Variants in PCDH11X observed in about 807,000 individuals in gnomAD.
The protein encoded by PCDH11X is protocadherin 11 X-linked.
In PCDH11X, 18 loss-of-function variants were observed where a neutral mutation model predicts 53.3. That is an observed-to-expected ratio of 0.34 (90% confidence interval 0.23 to 0.50). The LOEUF (loss-of-function observed/expected upper bound fraction) is 0.50, where lower values mean the gene tolerates loss of function less well. PCDH11X is among the 20% of genes least tolerant of loss of function. PCDH11X has a pLI of 0.98. For synonymous variants in PCDH11X, 279 were observed against 393.3 expected (o/e 0.71, Z 3.44); for missense variants, 570 against 1,032.4 (o/e 0.55, Z 6.14).
intron 10 of PCDH11X, among the ~76,000 whole-genome samples, chrX:92,576,122 C>A (rs1299532997): frequency 2.0e-5 from 2 of 100,622 alleles, no homozygotes; most frequent in Non-Finnish European, 4.0e-5. Context: ...CTGAATTGAC[C>A]ACTTCGTCAT....
intron 6 of PCDH11X, among the ~76,000 whole-genome samples, chrX:91,956,301 C>G (rs973742053): frequency 3.2e-4 from 36 of 111,191 alleles, no homozygotes; most frequent in Non-Finnish European, 3.2e-4. Context: ...CATCATGATG[C>G]TAGCTGGTTA....
intron 8 of PCDH11X, among the ~76,000 whole-genome samples, chrX:92,278,293 G>A (rs1341326422): frequency 9.0e-6 from 1 of 111,546 alleles, no homozygotes; most frequent in African/African-American, 3.3e-5. Flanking sequence ...ATCTTATGGA[G>A]CAAAAAGCAG....
intron 10 of PCDH11X, among the ~76,000 whole-genome samples, chrX:92,505,514 T>C (rs1199683774): frequency 9.1e-6 from 1 of 110,459 alleles, no homozygotes; most frequent in Non-Finnish European, 1.9e-5. Context: ...GCTGTAAGTG[T>C]GTGGCTTTAT....
At chrX:92,499,114 T>C (rs982141206) in intron 10 of PCDH11X, among the ~76,000 whole-genome samples, 32 of 107,671 alleles carry the variant, frequency 3.0e-4, no homozygotes, top group Non-Finnish European at 5.7e-4. Flanking sequence ...ATATTCATTC[T>C]AGTTCTTTTC....
In PCDH11X at chrX:91,975,860, C is replaced by T. The variant is rs769970219; in HGVS notation, c.3033+96587C>T. The stretch of plus-strand genomic sequence containing the variant: ...ACACTTAAATGCTATCAATAATAGA[C>T]AGCTTAAGACTGGGAGTCACAATCT... On this transcript the variant is annotated intron_variant, in intron 6 of 10. Coordinates refer to ENST00000682573, the MANE Select transcript of PCDH11X (RefSeq NM_032968.5). 1.4e-4 allele frequency among the ~76,000 whole-genome samples: 15 copies of T among 110,348 alleles called. No individual in the cohort carries two copies. The South Asian group carries it at 5.9e-3, about 43-fold the overall frequency.
chrX:92,024,572 A>C (rs1315855870), intron 6 of PCDH11X, among the ~76,000 whole-genome samples: 7 of 109,397 alleles, frequency 6.4e-5, no homozygotes, highest in African/African-American at 2.0e-4. Flanking sequence ...CAATATCGTG[A>C]AAACGGCCAT....
chrX:92,502,063 T>C (rs746391388), intron 10 of PCDH11X, among the ~76,000 whole-genome samples: 1 of 110,612 alleles, frequency 9.0e-6, no homozygotes, highest in Admixed American at 9.7e-5. Context: ...CTAGCATCCT[T>C]ATACACCAAC....
At chrX:91,986,064 T>C (rs1354941810) in intron 6 of PCDH11X, among the ~76,000 whole-genome samples, 2 of 96,411 alleles carry the variant, frequency 2.1e-5, no homozygotes, top group African/African-American at 7.6e-5. Flanking sequence ...TCATTCCTTA[T>C]GAATCTATTT....
intron 10 of PCDH11X, among the ~76,000 whole-genome samples, chrX:92,567,744 T>A (rs777740540): frequency 1.8e-5 from 2 of 108,370 alleles, no homozygotes; most frequent in South Asian, 4.2e-4. Context: ...ACCCATTCAG[T>A]ATTATATTGG....
At chrX:91,976,476 A>T (rs1380166476) in intron 6 of PCDH11X, among the ~76,000 whole-genome samples, 3 of 111,859 alleles carry the variant, frequency 2.7e-5, no homozygotes, top group Non-Finnish European at 5.6e-5. Context: ...GTATTGAATG[A>T]TAGACTTTTT....
chrX:92,570,975 AAAATTGACATTTTT>A (rs1222417676), intron 10 of PCDH11X, among the ~76,000 whole-genome samples: 1 of 112,190 alleles, frequency 8.9e-6, no homozygotes, highest in Non-Finnish European at 1.9e-5. Flanking sequence ...CTCTTTTTAA[AAAATTGACATTTTT>A]AAATTGAATT....
intron 5 of PCDH11X, among the ~76,000 whole-genome samples, chrX:91,839,242 A>C (rs2147626260): frequency 9.1e-6 from 1 of 110,057 alleles, no homozygotes; most frequent in African/African-American, 3.3e-5. Context: ...CTCCTAATCA[A>C]CAGACAGATT....
In PCDH11X at chrX:91,960,424, TTTG is replaced by T. The variant is rs895281647; in HGVS notation, c.3033+81166_3033+81168del. On this transcript the variant is annotated intron_variant, in intron 6 of 10. Coordinates refer to ENST00000682573, the MANE Select transcript of PCDH11X (RefSeq NM_032968.5). ...AGTTTGTGTTTTTTCACTTTGTTTG[TTTG>T]TTGTTGTTGTTGTTTGAGATGGAGT... Among the ~76,000 whole-genome samples the T allele has an allele frequency of 1.2e-3, 135 of 110,549 alleles. 1 individual carries two copies. The highest frequency in any genetic ancestry group is 4.7e-3 in the Middle Eastern group (1 of 212).
intron 6 of PCDH11X, among the ~76,000 whole-genome samples, chrX:92,169,299 A>G (rs1447501335): frequency 3.2e-5 from 2 of 62,813 alleles, no homozygotes; most frequent in Non-Finnish European, 7.0e-5. Context: ...CAGAGCTTAC[A>G]AAAAAATGCT....
chrX:92,078,357 G>T (rs928147546), intron 6 of PCDH11X, among the ~76,000 whole-genome samples: 6 of 111,092 alleles, frequency 5.4e-5, no homozygotes, highest in African/African-American at 2.0e-4. Context: ...CTTTTACAGA[G>T]AATGTATGCA....
intron 6 of PCDH11X, among the ~76,000 whole-genome samples, chrX:91,995,441 T>C (rs749229335): frequency 6.3e-5 from 7 of 111,525 alleles, no homozygotes; most frequent in African/African-American, 2.3e-4. Flanking sequence ...GAGGAGACTA[T>C]GCTTTCCCTA....
chrX:91,908,412 C>A (rs1941261763), intron 6 of PCDH11X, among the ~76,000 whole-genome samples: 1 of 111,783 alleles, frequency 8.9e-6, no homozygotes, highest in South Asian at 3.7e-4. Context: ...ATGTGGCCAA[C>A]AATCATTTGA....
chrX:92,075,396 C>G (rs1231208768), intron 6 of PCDH11X, among the ~76,000 whole-genome samples: 4 of 108,306 alleles, frequency 3.7e-5, no homozygotes, highest in East Asian at 3.0e-4. Flanking sequence ...ACCTCAGCAC[C>G]TTTGAATGCA....
chrX:92,581,461 C>G (rs765520608), intron 10 of PCDH11X, among the ~76,000 whole-genome samples: 1 of 111,648 alleles, frequency 9.0e-6, no homozygotes, highest in Non-Finnish European at 1.9e-5. Context: ...TAAGGGGAAA[C>G]CTCTTTCCCT....
Sources: gnomAD v4.1 joint callset for allele counts (sites outside exome capture counted in the v4.1 genomes callset) on GRCh38, gnomAD v4.1.1 for gene constraint, MANE v1.5 for transcripts, NCBI Gene and HGNC (gene_info 2026-07-23, HGNC 2026-07-21) for gene names.